Variants in SPAG6 observed in about 807,000 individuals in gnomAD.
SPAG6 encodes sperm associated antigen 6.
SPAG6 carries 49 observed loss-of-function variants against 58.5 expected under a neutral mutation model. The ratio of observed to expected loss-of-function variants is 0.84; its 90% confidence interval spans 0.67 to 1.06. The LOEUF is 1.06. Ranked by LOEUF, SPAG6 falls within the 50% of genes least tolerant of loss-of-function variation. The probability of loss-of-function intolerance (pLI) is 0.00; values close to 1 mark genes in which losing one functional copy is unlikely to be tolerated. For missense variants in SPAG6, 560 were observed against 611.3 expected (o/e 0.92, Z 0.89); for synonymous variants, 233 against 225.6 (o/e 1.03, Z -0.29).
rs112955842 is a variant in SPAG6 at position 22,369,472 on chromosome 10, A to G, written c.472+794A>G. Among the ~76,000 whole-genome samples, 227 of 152,332 alleles carry G rather than the reference A, an allele frequency of 1.5e-3. 5 individuals carry two copies. Among genetic ancestry groups the G allele is most frequent in the African/African-American group, 4.9e-3 (205 of 41,578 alleles). Reference sequence around the variant, plus strand: ...CAACAAATTCTATACGAAAACATCAATGAAGATCTTTTTAACCTGTTATTT... The same window carrying G: ...CAACAAATTCTATACGAAAACATCAGTGAAGATCTTTTTAACCTGTTATTT... On this transcript the variant is annotated intron_variant, in intron 4 of 10. Transcript: ENST00000376624.
At chr10:22,407,426 G>A (rs1314668989) in intron 9 of SPAG6, among the ~76,000 whole-genome samples, 6 of 151,618 alleles carry the variant, frequency 4.0e-5, no homozygotes, top group African/African-American at 7.3e-5. Context: ...TGAAATTCTG[G>A]GTTGAAAATT....
At position 22,391,782 on chromosome 10, in the gene SPAG6, G is replaced by A; in HGVS notation, c.1059G>A (p.Lys353=). 1.2e-6 allele frequency: 2 copies of A among 1,613,522 alleles called. No homozygotes were observed. The highest frequency in any genetic ancestry group is 1.7e-6 in the Non-Finnish European group (2 of 1,179,730). The change falls in exon 8 of 11, where the codon AAG becomes AAA. Residue 353 remains lysine (K), a synonymous_variant. Transcript: ENST00000376624. The stretch of plus-strand genomic sequence containing the variant: ...CAGAAGAACCGGAAGATCATATTAA[G>A]GCTGCAGCTGCTTGGGCCTTAGGAC... The part of the protein sequence containing the change: ...CLSEEPEDHI[K]AAAAWALGQI...
At chr10:22,350,355 C>A (rs915772213) in intron 2 of SPAG6, among the ~76,000 whole-genome samples, 19 of 152,010 alleles carry the variant, frequency 1.2e-4, no homozygotes, top group African/African-American at 4.6e-4. Flanking sequence ...GGACATTGAT[C>A]TGTTTTGTTA....
chr10:22,360,775 T>C lies in SPAG6; in HGVS notation c.122-4078T>C, dbSNP rs777275042. On this transcript the variant is annotated intron_variant, in intron 2 of 10. Transcript: ENST00000376624. ...TACTAGAGGCCTTGTTTATCAGATA[T>C]TGTGGCAACTATTCAGACTGCTTTA... 28 of 1,527,464 alleles carry C rather than the reference T, an allele frequency of 1.8e-5. No homozygotes were observed. In the East Asian group the frequency reaches 5.2e-4, roughly 28 times the overall value. The allele number at this position is 1,527,464 out of a possible 1,614,324, so 94.6% of individuals were successfully genotyped here.
intron 2 of SPAG6, among the ~76,000 whole-genome samples, chr10:22,354,255 AG>A (rs1383907193): frequency 6.6e-6 from 1 of 152,182 alleles, no homozygotes; most frequent in African/African-American, 2.4e-5. Context: ...GAAATGTTAA[AG>A]GGGTAACATC....
In SPAG6 at chr10:22,401,243, A is replaced by G; in HGVS notation, c.1280A>G (p.Asn427Ser). 6.3e-7 allele frequency: 1 copy of G among 1,595,714 alleles called. No homozygotes were observed. Among genetic ancestry groups the G allele is most frequent in the East Asian group, 2.2e-5 (1 of 44,710 alleles). ...LEPFLYDAPP[N>S]ILKHVVGQFS... ...CCATTTCTATATGATGCTCCTCCCAATATTCTGAAACATGTGGTTGGACAG... is the reference window on the plus strand; with the variant it reads ...CCATTTCTATATGATGCTCCTCCCAGTATTCTGAAACATGTGGTTGGACAG... Residue 427 changes from asparagine (N) to serine (S), a missense_variant, in exon 9 of 11, where the codon AAT becomes AGT. Asn to Ser is a conservative substitution (Grantham distance 46). Transcript: ENST00000376624.
chr10:22,346,516 T>TTCC (rs1836560304), intron 2 of SPAG6, among the ~76,000 whole-genome samples: 15 of 148,430 alleles, frequency 1.0e-4, no homozygotes, highest in African/African-American at 1.5e-4. Context: ...CTTCTTCCTC[T>TTCC]TCTTCTTCTT....
At chr10:22,366,596 A>G (rs1043360977) in intron 3 of SPAG6, among the ~76,000 whole-genome samples, 6 of 152,182 alleles carry the variant, frequency 3.9e-5, no homozygotes, top group African/African-American at 1.2e-4. Flanking sequence ...ATAAAAATAA[A>G]TCCTAATGGT....
rs1340068691 is a variant in SPAG6 at position 22,345,722 on chromosome 10, G to A, written c.26-1G>A. 1 of 1,611,260 alleles carries A rather than the reference G, an allele frequency of 6.2e-7. No individual in the cohort carries two copies. The highest frequency in any genetic ancestry group is 2.2e-5 in the East Asian group (1 of 44,736). On this transcript the variant is annotated splice_acceptor_variant, in intron 1 of 10. Coordinates refer to ENST00000376624, the MANE Select transcript of SPAG6 (RefSeq NM_012443.4). LOFTEE classifies it high-confidence loss of function. This position sits in a 1 kb window ranked among gnomAD's most constrained non-coding sequence, Gnocchi z 6.3. ...GGCTCCACCGACTCTCTCTCCCGCA[G>A]TGTTCGAGCAATACCAGAAGGCCAG... is the stretch of plus-strand genomic sequence containing the variant.
intron 7 of SPAG6, 141 bp downstream of exon 7, chr10:22,389,453 CTTATTAGCAAGTT>C (rs920422087): frequency 5.3e-6 from 4 of 752,954 alleles, no homozygotes; most frequent in Non-Finnish European, 8.5e-6. Flanking sequence ...TGTTTCAATG[CTTATTAGCAAGTT>C]TTATTAGCAA....
chr10:22,395,173 A>G (rs533414066), intron 8 of SPAG6, among the ~76,000 whole-genome samples: 5 of 152,044 alleles, frequency 3.3e-5, no homozygotes, highest in Non-Finnish European at 7.4e-5. Flanking sequence ...GATTATTTCT[A>G]CTCTTGACTA....
chr10:22,364,585 A>G (rs918119178), intron 2 of SPAG6, among the ~76,000 whole-genome samples: 1 of 152,216 alleles, frequency 6.6e-6, no homozygotes, highest in Admixed American at 6.5e-5. Flanking sequence ...ATCAGGTAAT[A>G]TAGACAGGAC....
intron 4 of SPAG6, among the ~76,000 whole-genome samples, chr10:22,376,892 C>A (rs1833828206): frequency 6.6e-6 from 1 of 151,848 alleles, no homozygotes. Context: ...CAAGACTAGC[C>A]TGGGCAACAT....
intron 8 of SPAG6, among the ~76,000 whole-genome samples, chr10:22,394,418 T>A (rs1163564087): frequency 6.6e-6 from 1 of 152,214 alleles, no homozygotes; most frequent in Non-Finnish European, 1.5e-5. Flanking sequence ...TATTGTGTTC[T>A]TACGGTAATA....
intron 4 of SPAG6, among the ~76,000 whole-genome samples, chr10:22,376,231 G>C (rs1833812257): frequency 1.3e-5 from 2 of 151,998 alleles, no homozygotes; most frequent in Admixed American, 6.6e-5. Context: ...TGAAAATTTA[G>C]TGGCTGAATT....
At chr10:22,392,730 G>A (rs966011138) in intron 8 of SPAG6, among the ~76,000 whole-genome samples, 6 of 151,942 alleles carry the variant, frequency 3.9e-5, no homozygotes, top group Non-Finnish European at 2.9e-5. Context: ...AAACAATTTG[G>A]TGAAACTTAA....
intron 3 of SPAG6, among the ~76,000 whole-genome samples, chr10:22,368,277 T>C (rs1837252836): frequency 6.6e-6 from 1 of 152,224 alleles, no homozygotes; most frequent in African/African-American, 2.4e-5. Flanking sequence ...AAATACAATG[T>C]AAAACCTACC....
chr10:22,408,016 G>T (rs1252694395), intron 9 of SPAG6, among the ~76,000 whole-genome samples: 1 of 138,946 alleles, frequency 7.2e-6, no homozygotes, highest in Admixed American at 7.0e-5. Context: ...TCTCTGTATT[G>T]GTTATTCTAG....
At chr10:22,364,831 G>C in intron 2 of SPAG6, 22 bp from the exon 3 acceptor site, 1 of 1,572,750 alleles carries the variant, frequency 6.4e-7, no homozygotes, top group Non-Finnish European at 8.6e-7. Context: ...CCTGATTTCT[G>C]TTCTTTCATA....
Sources: gnomAD v4.1 joint callset for allele counts (sites outside exome capture counted in the v4.1 genomes callset) on GRCh38, gnomAD v4.1.1 for gene constraint, Gnocchi (gnomAD v3.1) non-coding constraint, MANE v1.5 for transcripts, NCBI Gene and HGNC (gene_info 2026-07-23, HGNC 2026-07-21) for gene names.